The following CYP19A1 variants were observed in gnomAD, a reference collection of about 807,000 sequenced individuals.
CYP19A1 encodes the protein aromatase.
Under a neutral mutation model 44.4 loss-of-function variants are expected in CYP19A1, and 32 were observed. The observed-to-expected ratio is 0.72, with a 90% CI of 0.54 to 0.97. The LOEUF is 0.97. Ranked by LOEUF, CYP19A1 falls within the 50% of genes least tolerant of loss-of-function variation. CYP19A1 has a pLI of 0.00. For missense variants in CYP19A1, 598 were observed against 637.8 expected (o/e 0.94, Z 0.67); for synonymous variants, 212 against 215.6 (o/e 0.98, Z 0.14).
intron 1 of CYP19A1, chr15:51,278,272 C>G (rs1190798523): frequency 6.6e-6 from 1 of 152,064 alleles, no homozygotes; most frequent in African/African-American, 2.4e-5. Context: ...TGTAATAGAT[C>G]GTAGCGTACC....
At chr15:51,241,646 A>C (rs999109731) in intron 2 of CYP19A1, among the ~76,000 whole-genome samples, 4 of 152,168 alleles carry the variant, frequency 2.6e-5, no homozygotes, top group Non-Finnish European at 5.9e-5. Flanking sequence ...ACTGGGGAAC[A>C]GAGTTCAAGT....
At chr15:51,231,746 T>A (rs775859380) in intron 3 of CYP19A1, among the ~76,000 whole-genome samples, 1 of 151,888 alleles carries the variant, frequency 6.6e-6, no homozygotes, top group Non-Finnish European at 1.5e-5. Context: ...GCCCATTCAC[T>A]CTCTCACTCT....
chr15:51,299,135 G>A (rs1369135685), intron 1 of CYP19A1, among the ~76,000 whole-genome samples: 2 of 152,210 alleles, frequency 1.3e-5, no homozygotes, highest in Admixed American at 6.5e-5. Flanking sequence ...CCTTTCCATT[G>A]TTGATGGGCA....
chr15:51,272,768 A>G (rs1426720884), intron 1 of CYP19A1, among the ~76,000 whole-genome samples: 1 of 152,236 alleles, frequency 6.6e-6, no homozygotes, highest in African/African-American at 2.4e-5. Context: ...CTGGCCCAGC[A>G]GGAGAAAAAT....
intron 4 of CYP19A1, among the ~76,000 whole-genome samples, chr15:51,225,135 C>T (rs1050611301): frequency 6.6e-6 from 1 of 152,100 alleles, no homozygotes; most frequent in Non-Finnish European, 1.5e-5. Context: ...CTGGGCTGCC[C>T]CTTCCTAATT....
intron 1 of CYP19A1, among the ~76,000 whole-genome samples, chr15:51,306,446 T>A (rs1295135492): frequency 6.6e-6 from 1 of 152,200 alleles, no homozygotes; most frequent in Admixed American, 6.5e-5. Flanking sequence ...TTTTAATGTT[T>A]AAATCATAAA....
chr15:51,301,187 G>C lies in CYP19A1; in HGVS notation c.-39+37308C>G, dbSNP rs28757112. Among the ~76,000 whole-genome samples, 604 of 152,350 alleles carry C rather than the reference G, an allele frequency of 4.0e-3. 6 individuals carry two copies. The highest frequency in any genetic ancestry group is 0.014 in the African/African-American group (581 of 41,576). ...CAGAAGCTGGAAAGACCAGCTGAAA[G>C]AACAGCTATATGAAGAAATCCCCAG... On this transcript the variant is annotated intron_variant, in intron 1 of 9. Transcript: ENST00000396402.
chr15:51,299,121 T>C (rs1044059028), intron 1 of CYP19A1, among the ~76,000 whole-genome samples: 4 of 152,232 alleles, frequency 2.6e-5, no homozygotes, highest in Admixed American at 2.6e-4. Context: ...AGGTCCTGTG[T>C]ACTCCTTTCC....
chr15:51,279,852 A>G (rs1223164582), intron 1 of CYP19A1: 1 of 152,254 alleles, frequency 6.6e-6, no homozygotes, highest in Non-Finnish European at 1.5e-5. Flanking sequence ...CTGTGAACTC[A>G]CTTTATGTTC....
intron 1 of CYP19A1, among the ~76,000 whole-genome samples, chr15:51,306,236 C>T (rs1388551140): frequency 4.6e-5 from 7 of 152,252 alleles, no homozygotes; most frequent in Middle Eastern, 3.4e-3. Flanking sequence ...TGTACACACT[C>T]GGGTACACAC....
intron 1 of CYP19A1, chr15:51,280,145 G>A (rs1258099218): frequency 4.0e-5 from 5 of 125,320 alleles, no homozygotes; most frequent in East Asian, 2.4e-4. Flanking sequence ...TTTTTGAGAC[G>A]GAGTCTCGCT....
At chr15:51,216,706 A>G (rs1180115162) in intron 6 of CYP19A1, among the ~76,000 whole-genome samples, 1 of 152,182 alleles carries the variant, frequency 6.6e-6, no homozygotes, top group African/African-American at 2.4e-5. Context: ...TATGTGTTGA[A>G]TGAATTACCA....
At chr15:51,264,960 AC>A (rs1463869722) in intron 1 of CYP19A1, among the ~76,000 whole-genome samples, 8 of 152,340 alleles carry the variant, frequency 5.3e-5, no homozygotes, top group African/African-American at 1.9e-4. Flanking sequence ...ATTATACAAA[AC>A]CAATGTAGGG....
intron 1 of CYP19A1, among the ~76,000 whole-genome samples, chr15:51,264,095 G>T (rs1371901703): frequency 6.6e-6 from 1 of 152,166 alleles, no homozygotes; most frequent in East Asian, 1.9e-4. Context: ...ATGGACATAG[G>T]CAAAGTGGAG....
chr15:51,321,856 A>T (rs1175246158), intron 1 of CYP19A1: 1 of 152,348 alleles, frequency 6.6e-6, no homozygotes, highest in Non-Finnish European at 1.5e-5. Context: ...GGAAGGGGGA[A>T]GGCCTGGGCC....
At chr15:51,296,857 T>C (rs1368208942) in intron 1 of CYP19A1, among the ~76,000 whole-genome samples, 5 of 152,228 alleles carry the variant, frequency 3.3e-5, no homozygotes, top group African/African-American at 1.2e-4. Flanking sequence ...TACAGACCTT[T>C]ACAGTTTTAA....
chr15:51,254,416 A>T (rs2034440600), intron 1 of CYP19A1, among the ~76,000 whole-genome samples: 1 of 152,150 alleles, frequency 6.6e-6, no homozygotes, highest in Non-Finnish European at 1.5e-5. Context: ...CCCCAGTGAG[A>T]TATCTGTATG....
intron 1 of CYP19A1, among the ~76,000 whole-genome samples, chr15:51,333,698 G>A (rs2036735821): frequency 1.3e-5 from 2 of 152,154 alleles, no homozygotes; most frequent in Admixed American, 1.3e-4. Flanking sequence ...GCAATAAAAG[G>A]TAAGCTTCTC....
intron 1 of CYP19A1, among the ~76,000 whole-genome samples, chr15:51,284,865 G>A (rs934013263): frequency 1.3e-5 from 2 of 152,212 alleles, no homozygotes; most frequent in African/African-American, 2.4e-5. Context: ...CTGTGTGGGT[G>A]CCCACCAAAC....
Sources: gnomAD v4.1 joint callset for allele counts (sites outside exome capture counted in the v4.1 genomes callset) on GRCh38, gnomAD v4.1.1 for gene constraint, MANE v1.5 for transcripts, NCBI Gene and HGNC (gene_info 2026-07-23, HGNC 2026-07-21) for gene names.